CHMP4B: variants seen among roughly 807,000 people sequenced by gnomAD.
CHMP4B encodes SNF7 homolog associated with Alix 1.
In CHMP4B, 1 loss-of-function variant was observed where a neutral mutation model predicts 25.1. The observed-to-expected ratio is 0.04, with a 90% confidence interval of 0.01 to 0.19. CHMP4B has a LOEUF of 0.19. CHMP4B is among the 10% of genes least tolerant of loss of function. The pLI, the probability that CHMP4B is intolerant of heterozygous loss-of-function variation, is 1.00. For synonymous variants in CHMP4B, 101 were observed against 115.6 expected, an observed-to-expected ratio of 0.87 and a Z score of 0.81; for missense variants, 151 against 289.7, an observed-to-expected ratio of 0.52 and a Z score of 3.48.
chr20:33,850,444 T>C (rs1164333638), intron 2 of CHMP4B, among the ~76,000 whole-genome samples: 1 of 152,218 alleles, frequency 6.6e-6, no homozygotes, highest in Non-Finnish European at 1.5e-5. Flanking sequence ...TGAGTAAATA[T>C]AGGTTTATAT....
At chr20:33,852,883 C>A (rs959671458) in intron 4 of CHMP4B, among the ~76,000 whole-genome samples, 3 of 152,202 alleles carry the variant, frequency 2.0e-5, no homozygotes, top group African/African-American at 7.2e-5. Flanking sequence ...TCCCTTCCCC[C>A]ATCCCCTCGC....
rs754955773 is a variant in CHMP4B at position 33,842,198 on chromosome 20, A to G, written c.191-6269A>G. Reference sequence around the variant, plus strand: ...GGTACAAGGATGGTCACTGATAACCATCTTTACAGGAGAATGGGTTTCTTT... The same window carrying G: ...GGTACAAGGATGGTCACTGATAACCGTCTTTACAGGAGAATGGGTTTCTTT... On this transcript the variant is annotated intron_variant, in intron 1 of 4. Coordinates refer to ENST00000217402, the MANE Select transcript of CHMP4B (RefSeq NM_176812.5). Among the ~76,000 whole-genome samples, 41 of 152,324 alleles carry G rather than the reference A, an allele frequency of 2.7e-4. No homozygotes were observed. The Middle Eastern group carries it at 0.014, about 51-fold the overall frequency.
chr20:33,817,769 A>G (rs539254350), intron 1 of CHMP4B, among the ~76,000 whole-genome samples: 1 of 152,312 alleles, frequency 6.6e-6, no homozygotes, highest in Non-Finnish European at 1.5e-5. Flanking sequence ...ATTAGAAAAC[A>G]ACTTTAGTTG....
intron 1 of CHMP4B, among the ~76,000 whole-genome samples, chr20:33,847,627 T>TA (rs1260418544): frequency 6.6e-6 from 1 of 152,140 alleles, no homozygotes; most frequent in East Asian, 1.9e-4. Flanking sequence ...CTCAGCGTGC[T>TA]AGGAGGCCAA....
Position 33,830,603 on chromosome 20 carries a change from G to A in CHMP4B, c.191-17864G>A, listed in dbSNP as rs535575909. 6.1e-4 allele frequency among the ~76,000 whole-genome samples: 93 copies of A among 152,226 alleles called. 2 individuals are homozygous for A. The highest frequency in any genetic ancestry group is 6.0e-3 in the Admixed American group (91 of 15,286). ...GTGCATTGCAGGGAGTGGATAGAGA[G>A]CGGGGGCGTCTCTCTTCCTATAAGG... On this transcript the variant is annotated intron_variant, in intron 1 of 4. Transcript: ENST00000217402.
chr20:33,812,285 GGCCTCTGTTGA>G (rs1200110510), intron 1 of CHMP4B, among the ~76,000 whole-genome samples: 13 of 152,146 alleles, frequency 8.5e-5, no homozygotes, highest in African/African-American at 2.9e-4. Flanking sequence ...GCCAGAGTTC[GGCCTCTGTTGA>G]GGCCTAAGGT....
In CHMP4B at chr20:33,852,053, T is replaced by G. The variant is rs777967980; in HGVS notation, c.484-24T>G. 174 of 1,613,222 alleles carry G rather than the reference T, an allele frequency of 1.1e-4. 1 individual carries two copies. The South Asian group carries it at 1.8e-3, about 16-fold the overall frequency. On this transcript the variant is annotated intron_variant, in intron 3 of 4. Transcript: ENST00000217402. ...GGGCTGGGATTCCCAGGGAGGGCGC[T>G]CACTTTGTGTTTCCTTTTACTAGGA...
intron 4 of CHMP4B, among the ~76,000 whole-genome samples, chr20:33,852,960 G>A (rs568728997): frequency 2.0e-5 from 3 of 152,328 alleles, no homozygotes; most frequent in Admixed American, 2.0e-4. Context: ...GCAATTTGAT[G>A]TGGCATGAGA....
chr20:33,819,055 A>G (rs1296210285), intron 1 of CHMP4B, among the ~76,000 whole-genome samples: 3 of 152,106 alleles, frequency 2.0e-5, no homozygotes, highest in South Asian at 2.1e-4. Context: ...AATTACAGGC[A>G]TGCGCCACCA....
intron 1 of CHMP4B, among the ~76,000 whole-genome samples, chr20:33,831,535 G>GC (rs1330217237): frequency 6.6e-6 from 1 of 152,034 alleles, no homozygotes; most frequent in Non-Finnish European, 1.5e-5. Context: ...TGGCTGCCCA[G>GC]CTAAGTTTTA....
chr20:33,835,041 C>A (rs1402612383), intron 1 of CHMP4B, among the ~76,000 whole-genome samples: 1 of 152,140 alleles, frequency 6.6e-6, no homozygotes, highest in Middle Eastern at 3.2e-3. Flanking sequence ...AGGGATCCGC[C>A]CGCCTCGGCC....
chr20:33,839,909 A>T (rs978269081), intron 1 of CHMP4B, among the ~76,000 whole-genome samples: 1 of 152,224 alleles, frequency 6.6e-6, no homozygotes, highest in African/African-American at 2.4e-5. Flanking sequence ...TACCTACCTC[A>T]TAGATAGGTT....
chr20:33,849,197 GCT>G (rs1979771503), intron 2 of CHMP4B, among the ~76,000 whole-genome samples: 1 of 152,150 alleles, frequency 6.6e-6, no homozygotes, highest in Non-Finnish European at 1.5e-5. Context: ...CCCCTATATG[GCT>G]ACCTCTCATG....
chr20:33,851,667 G>A (rs917278954), intron 3 of CHMP4B, among the ~76,000 whole-genome samples: 4 of 152,116 alleles, frequency 2.6e-5, no homozygotes, highest in Non-Finnish European at 4.4e-5. Context: ...AGAAAACAGC[G>A]TGCAGCTCTT....
At chr20:33,848,355 A>G (rs936531942) in intron 1 of CHMP4B, 112 bp from the exon 2 acceptor site, 9 of 1,003,770 alleles carry the variant, frequency 9.0e-6, no homozygotes, top group Non-Finnish European at 1.6e-6. Flanking sequence ...CCTCTGCTAT[A>G]GTGGAAGCAA....
chr20:33,851,544 G>C (rs78275913), intron 3 of CHMP4B, among the ~76,000 whole-genome samples: 1 of 152,016 alleles, frequency 6.6e-6, no homozygotes, highest in Non-Finnish European at 1.5e-5. Context: ...GGTTTTTAAA[G>C]TATGGTACCA....
At chr20:33,846,275 C>T (rs1364147171) in intron 1 of CHMP4B, among the ~76,000 whole-genome samples, 1 of 151,186 alleles carries the variant, frequency 6.6e-6, no homozygotes, top group Non-Finnish European at 1.5e-5. Flanking sequence ...ACCTTATCAT[C>T]TAACCTTAAA....
chr20:33,825,262 C>T (rs370701162), intron 1 of CHMP4B, among the ~76,000 whole-genome samples: 3 of 152,114 alleles, frequency 2.0e-5, no homozygotes, highest in East Asian at 1.9e-4. Flanking sequence ...TCCCTTCAAC[C>T]GATATTCACT....
At chr20:33,833,794 C>T (rs1354423066) in intron 1 of CHMP4B, among the ~76,000 whole-genome samples, 4 of 152,184 alleles carry the variant, frequency 2.6e-5, no homozygotes, top group Non-Finnish European at 5.9e-5. Context: ...AGTTTCCCCC[C>T]TCTAGGCATC....
Sources: gnomAD v4.1 joint callset for allele counts (sites outside exome capture counted in the v4.1 genomes callset) on GRCh38, gnomAD v4.1.1 for gene constraint, MANE v1.5 for transcripts, NCBI Gene and HGNC (gene_info 2026-07-23, HGNC 2026-07-21) for gene names.